Variants in XKR6 observed in about 807,000 individuals in gnomAD.
The protein encoded by XKR6 is XK-related protein 6.
In XKR6, 22 loss-of-function variants were observed where a neutral mutation model predicts 56.7. The observed-to-expected ratio is 0.39, with a 90% CI of 0.28 to 0.55. The LOEUF is 0.55. Ranked by LOEUF, XKR6 falls within the 20% of genes least tolerant of loss-of-function variation. XKR6 has a pLI of 0.66. For synonymous variants in XKR6, 524 were observed against 387.8 expected (o/e 1.35, Z -4.13); for missense variants, 852 against 889.0 (o/e 0.96, Z 0.53).
intron 1 of XKR6, among the ~76,000 whole-genome samples, chr8:10,958,412 C>T (rs182430364): frequency 1.4e-4 from 21 of 152,332 alleles, no homozygotes; most frequent in African/African-American, 5.1e-4. Flanking sequence ...TCAATAGTGA[C>T]AATGGGCTGC....
At chr8:11,039,060 AG>A (rs113174173) in intron 1 of XKR6, among the ~76,000 whole-genome samples, 4,961 of 152,230 alleles carry the variant, frequency 0.033, 240 homozygotes, top group African/African-American at 0.11. Context: ...AGAGTGGCGC[AG>A]GCCCAGTGAG....
At chr8:10,912,687 G>GTA (rs780977459) in intron 2 of XKR6, among the ~76,000 whole-genome samples, 32,672 of 132,292 alleles carry the variant, frequency 0.25, 4,352 homozygotes, top group Middle Eastern at 0.42. Flanking sequence ...GAGGGTGAGT[G>GTA]TATATATATA....
At chr8:11,137,710 C>T in intron 1 of XKR6, 1 of 456,244 alleles carries the variant, frequency 2.2e-6, no homozygotes, top group Non-Finnish European at 4.4e-6. Flanking sequence ...AAGCTACTCC[C>T]CTGAAATAGG....
intron 1 of XKR6, among the ~76,000 whole-genome samples, chr8:11,192,571 C>T (rs936662836): frequency 3.9e-5 from 6 of 152,008 alleles, no homozygotes; most frequent in Non-Finnish European, 8.8e-5. Flanking sequence ...GCTATACTCA[C>T]GCCACTGCAC....
chr8:11,107,912 G>A, intron 1 of XKR6: 2 of 254,830 alleles, frequency 7.8e-6, no homozygotes, highest in Non-Finnish European at 1.5e-5. Flanking sequence ...GAGCAATGCT[G>A]CCTGGGACGC....
chr8:11,082,894 A>C (rs933656700), intron 1 of XKR6, among the ~76,000 whole-genome samples: 1 of 152,186 alleles, frequency 6.6e-6, no homozygotes, highest in Non-Finnish European at 1.5e-5. Context: ...CAGTGGCCTC[A>C]AGTATTTCTA....
chr8:11,123,054 T>C (rs1037242071), intron 1 of XKR6, among the ~76,000 whole-genome samples: 1 of 152,054 alleles, frequency 6.6e-6, no homozygotes, highest in Non-Finnish European at 1.5e-5. Context: ...CCGGCCAACA[T>C]GGTGAAACCT....
intron 1 of XKR6, among the ~76,000 whole-genome samples, chr8:11,148,616 C>T (rs1044647719): frequency 2.6e-5 from 4 of 152,210 alleles, no homozygotes; most frequent in Non-Finnish European, 4.4e-5. Context: ...AAAACAGTTT[C>T]GCAGTTTTTT....
At chr8:11,158,344 G>C (rs897769947) in intron 1 of XKR6, among the ~76,000 whole-genome samples, 1 of 152,196 alleles carries the variant, frequency 6.6e-6, no homozygotes, top group African/African-American at 2.4e-5. Context: ...GGAAGACTGA[G>C]TGTACCAGAG....
chr8:11,127,659 G>A (rs1280194308), intron 1 of XKR6, among the ~76,000 whole-genome samples: 2 of 152,086 alleles, frequency 1.3e-5, no homozygotes, highest in Admixed American at 6.6e-5. Flanking sequence ...TCACTTAGGA[G>A]GCCCCTTGTG....
chr8:11,018,165 C>T (rs184409714), intron 1 of XKR6, among the ~76,000 whole-genome samples: 2 of 151,436 alleles, frequency 1.3e-5, no homozygotes, highest in East Asian at 3.9e-4. Context: ...GAATCCCCCC[C>T]ACCCACCCAG....
chr8:11,065,865 C>T (rs1369352472), intron 1 of XKR6, among the ~76,000 whole-genome samples: 2 of 152,212 alleles, frequency 1.3e-5, no homozygotes, highest in Non-Finnish European at 2.9e-5. Flanking sequence ...CTGAGCACGT[C>T]GTAGGTGCCC....
chr8:11,090,170 A>G (rs910833207), intron 1 of XKR6, among the ~76,000 whole-genome samples: 1 of 152,144 alleles, frequency 6.6e-6, no homozygotes, highest in Admixed American at 6.5e-5. Flanking sequence ...CTGCAGTCTC[A>G]AAGTCCTGGG....
chr8:11,085,229 C>T (rs1797847518), intron 1 of XKR6, among the ~76,000 whole-genome samples: 1 of 152,230 alleles, frequency 6.6e-6, no homozygotes, highest in Admixed American at 6.5e-5. Context: ...AGATCCTCCT[C>T]TGCGGCCCCC....
At chr8:11,011,882 G>A (rs1033292723) in intron 1 of XKR6, among the ~76,000 whole-genome samples, 2 of 152,206 alleles carry the variant, frequency 1.3e-5, no homozygotes, top group African/African-American at 2.4e-5. Flanking sequence ...TAGCATGAGG[G>A]AGGGAGGCCA....
At chr8:11,001,732 G>T (rs1180369516) in intron 1 of XKR6, among the ~76,000 whole-genome samples, 2 of 152,182 alleles carry the variant, frequency 1.3e-5, no homozygotes, top group Non-Finnish European at 2.9e-5. Flanking sequence ...TGAGAAGCTG[G>T]CTGAAGTCCA....
chr8:10,964,973 C>G (rs1288113606), intron 1 of XKR6, among the ~76,000 whole-genome samples: 2 of 152,242 alleles, frequency 1.3e-5, no homozygotes, highest in Admixed American at 6.5e-5. Context: ...CAGGCTTCCT[C>G]CACTAGGGAT....
intron 1 of XKR6, among the ~76,000 whole-genome samples, chr8:11,169,921 T>C (rs1000928459): frequency 1.2e-4 from 18 of 152,068 alleles, no homozygotes; most frequent in African/African-American, 4.1e-4. Flanking sequence ...ATTTTTAATA[T>C]AAAAAAGTGG....
At chr8:11,076,281 T>A (rs1800272302) in intron 1 of XKR6, among the ~76,000 whole-genome samples, 1 of 152,166 alleles carries the variant, frequency 6.6e-6, no homozygotes, top group Non-Finnish European at 1.5e-5. Context: ...AGCGATAAAG[T>A]TCTGGAGTGG....
Sources: allele counts gnomAD v4.1 joint callset (sites outside exome capture counted in the v4.1 genomes callset), GRCh38; gene constraint gnomAD v4.1.1; transcripts MANE v1.5; gene names NCBI Gene and HGNC (gene_info 2026-07-23, HGNC 2026-07-21).